GNAL: variants seen among roughly 807,000 people sequenced by gnomAD.
The protein encoded by GNAL is guanine nucleotide-binding protein G(olf) subunit alpha.
GNAL carries 18 observed loss-of-function variants against 55.1 expected under a neutral mutation model. That is an observed-to-expected ratio of 0.33 (90% CI 0.23 to 0.48). GNAL has a LOEUF of 0.48. Among genes scored for constraint, GNAL ranks in the 20% least tolerant of loss-of-function variants. The pLI is 0.99. For missense variants in GNAL, 412 were observed against 614.1 expected (o/e 0.67, Z 3.48); for synonymous variants, 253 against 237.0 (o/e 1.07, Z -0.62).
At chr18:11,861,112 A>G (rs768938138) in intron 5 of GNAL, among the ~76,000 whole-genome samples, 6 of 152,054 alleles carry the variant, frequency 3.9e-5, no homozygotes, top group Non-Finnish European at 8.8e-5. Context: ...GCCTCTACCT[A>G]CCAAAGGACA....
At chr18:11,715,760 G>T (rs1598408504) in intron 1 of GNAL, among the ~76,000 whole-genome samples, 1 of 152,032 alleles carries the variant, frequency 6.6e-6, no homozygotes, top group African/African-American at 2.4e-5. Context: ...TTTTACTTTG[G>T]CTATTTATAA....
At chr18:11,691,933 A>AT (rs2031262131) in intron 1 of GNAL, among the ~76,000 whole-genome samples, 1 of 152,072 alleles carries the variant, frequency 6.6e-6, no homozygotes, top group Admixed American at 6.6e-5. Flanking sequence ...TCCTAGTAGT[A>AT]TTTTTCAGAG....
chr18:11,746,835 G>A (rs985091735), intron 1 of GNAL: 15 of 516,602 alleles, frequency 2.9e-5, no homozygotes, highest in Middle Eastern at 6.1e-4. Flanking sequence ...GTGGCAGATC[G>A]TATTGGAAGT....
intron 1 of GNAL, among the ~76,000 whole-genome samples, chr18:11,705,042 T>C (rs2031674677): frequency 6.6e-6 from 1 of 152,210 alleles, no homozygotes; most frequent in Non-Finnish European, 1.5e-5. Context: ...GACAACGTTG[T>C]ACAGCAGAGC....
At chr18:11,796,292 A>G (rs1340179715) in intron 4 of GNAL, among the ~76,000 whole-genome samples, 1 of 152,124 alleles carries the variant, frequency 6.6e-6, no homozygotes, top group Non-Finnish European at 1.5e-5. Flanking sequence ...AAACCTTTCC[A>G]CTGGGCCGGG....
At chr18:11,703,975 A>G (rs1338806278) in intron 1 of GNAL, among the ~76,000 whole-genome samples, 2 of 152,158 alleles carry the variant, frequency 1.3e-5, no homozygotes, top group African/African-American at 2.4e-5. Flanking sequence ...CTTTCCCTTC[A>G]CCTAAATTCC....
intron 1 of GNAL, among the ~76,000 whole-genome samples, chr18:11,723,824 C>A (rs552192325): frequency 7.9e-5 from 12 of 152,210 alleles, no homozygotes; most frequent in African/African-American, 2.9e-4. Flanking sequence ...TGGCACAGTA[C>A]AGGAGTGGAC....
Position 11,751,526 on chromosome 18 carries a change from C to G in GNAL, c.377-1327C>G. On this transcript the variant is annotated intron_variant, in intron 1 of 11. Coordinates refer to ENST00000334049, the MANE Select transcript of GNAL (RefSeq NM_182978.4). The surrounding 1 kb of genome is among the most constrained non-coding windows in gnomAD (Gnocchi z 4.5). ...TGTGACTGGTGAGCCTCGGAGGGATCCTCCTCCCTGCTAGAATATGCATGA... is the reference window on the plus strand; with the variant it reads ...TGTGACTGGTGAGCCTCGGAGGGATGCTCCTCCCTGCTAGAATATGCATGA... 4 of 985,442 alleles carry G rather than the reference C, an allele frequency of 4.1e-6. No homozygotes were observed. Among genetic ancestry groups the G allele is most frequent in the Non-Finnish European group, 4.8e-6 (4 of 829,920 alleles). 61.0% of individuals were successfully genotyped at this position (985,442 alleles called of 1,614,324 possible).
intron 4 of GNAL, among the ~76,000 whole-genome samples, chr18:11,777,139 C>G (rs9675502): frequency 0.12 from 17,691 of 152,172 alleles, 1,447 homozygotes; most frequent in African/African-American, 0.23. Context: ...TAGATGGTGG[C>G]AGAGAGATGG....
At chr18:11,812,889 GA>G (rs1254010094) in intron 4 of GNAL, among the ~76,000 whole-genome samples, 1 of 151,894 alleles carries the variant, frequency 6.6e-6, no homozygotes, top group Non-Finnish European at 1.5e-5. Context: ...AGTTTACTTG[GA>G]AAAAAATTTA....
At chr18:11,853,512 A>T (rs1205987651) in intron 5 of GNAL, 2 of 167,074 alleles carry the variant, frequency 1.2e-5, no homozygotes, top group Non-Finnish European at 2.9e-5. Flanking sequence ...TTTTTCCATA[A>T]GAGAATTCCA....
chr18:11,730,985 C>G (rs1180776436), intron 1 of GNAL, among the ~76,000 whole-genome samples: 1 of 152,186 alleles, frequency 6.6e-6, no homozygotes, highest in African/African-American at 2.4e-5. Context: ...GCCTTGGGTC[C>G]TGTTTATAAT....
intron 4 of GNAL, among the ~76,000 whole-genome samples, chr18:11,765,877 C>T (rs1355675830): frequency 6.6e-6 from 1 of 151,994 alleles, no homozygotes; most frequent in Non-Finnish European, 1.5e-5. Flanking sequence ...TTTTTGTTTC[C>T]AAAGTTCGCC....
At chr18:11,733,576 T>C (rs965590538) in intron 1 of GNAL, among the ~76,000 whole-genome samples, 4 of 152,238 alleles carry the variant, frequency 2.6e-5, no homozygotes, top group Non-Finnish European at 4.4e-5. Flanking sequence ...GTGGTACTTA[T>C]ACACTATGGA....
intron 4 of GNAL, among the ~76,000 whole-genome samples, chr18:11,775,626 C>CTGT (rs1411491675): frequency 3.3e-5 from 5 of 152,140 alleles, no homozygotes; most frequent in African/African-American, 1.2e-4. Context: ...AGAAGTACCA[C>CTGT]GGACAGCAAG....
intron 6 of GNAL, 32 bp from the exon 7 acceptor site, chr18:11,864,500 TA>T: frequency 9.1e-7 from 1 of 1,100,938 alleles, no homozygotes; most frequent in Non-Finnish European, 1.4e-6. Flanking sequence ...AACAGTAATG[TA>T]ACTCAGCTTG....
At chr18:11,791,132 A>G (rs2034223920) in intron 4 of GNAL, among the ~76,000 whole-genome samples, 1 of 152,154 alleles carries the variant, frequency 6.6e-6, no homozygotes, top group Non-Finnish European at 1.5e-5. Flanking sequence ...AGGCCAAACA[A>G]TTTGGTTAAG....
intron 4 of GNAL, among the ~76,000 whole-genome samples, chr18:11,784,802 C>A (rs2034013573): frequency 6.6e-6 from 1 of 152,044 alleles, no homozygotes; most frequent in Admixed American, 6.6e-5. Flanking sequence ...GTGGAAGAAA[C>A]TGACTGTGCG....
At chr18:11,728,637 A>G (rs1286938675) in intron 1 of GNAL, among the ~76,000 whole-genome samples, 1 of 152,162 alleles carries the variant, frequency 6.6e-6, no homozygotes, top group Non-Finnish European at 1.5e-5. Context: ...AATCTGCTTA[A>G]TAGTTTCTAC....
Sources: allele counts gnomAD v4.1 joint callset (sites outside exome capture counted in the v4.1 genomes callset), GRCh38; gene constraint gnomAD v4.1.1; non-coding constraint Gnocchi (gnomAD v3.1); transcripts MANE v1.5; gene names NCBI Gene and HGNC (gene_info 2026-07-23, HGNC 2026-07-21).